TP63: variants seen among roughly 807,000 people sequenced by gnomAD.
The protein encoded by TP63 is tumor protein 63.
In TP63, 17 loss-of-function variants were observed where a neutral mutation model predicts 82.8. That is an observed-to-expected ratio of 0.21 (90% CI 0.14 to 0.31). The LOEUF is 0.31. TP63 is among the 10% of genes least tolerant of loss of function. The pLI, the probability that TP63 is intolerant of heterozygous loss-of-function variation, is 1.00. For synonymous variants in TP63, 330 were observed against 321.7 expected, an observed-to-expected ratio of 1.03 and a Z score of -0.28; for missense variants, 648 against 895.3, an observed-to-expected ratio of 0.72 and a Z score of 3.52.
At chr3:189,679,179 A>G (rs1234058228) in intron 1 of TP63, among the ~76,000 whole-genome samples, 2 of 152,040 alleles carry the variant, frequency 1.3e-5, no homozygotes, top group African/African-American at 4.8e-5. Context: ...ACCATGAGGT[A>G]GTTTTATTTT....
intron 3 of TP63, among the ~76,000 whole-genome samples, chr3:189,764,727 G>T (rs1347755339): frequency 6.6e-6 from 1 of 152,050 alleles, no homozygotes; most frequent in Non-Finnish European, 1.5e-5. Flanking sequence ...CAAGAAGCTG[G>T]GAGCTCCTAA....
At chr3:189,831,257 T>G (rs1278938264) in intron 4 of TP63, among the ~76,000 whole-genome samples, 1 of 152,220 alleles carries the variant, frequency 6.6e-6, no homozygotes, top group Non-Finnish European at 1.5e-5. Context: ...TCCTGCATTC[T>G]TTCTTAAATA....
At chr3:189,641,725 A>T (rs1333327237) in intron 1 of TP63, among the ~76,000 whole-genome samples, 1 of 152,188 alleles carries the variant, frequency 6.6e-6, no homozygotes, top group African/African-American at 2.4e-5. Flanking sequence ...TAAGAATGTT[A>T]TACAACCACC....
chr3:189,864,507 C>G (rs987538988), intron 5 of TP63, 89 bp downstream of exon 5: 23 of 1,032,682 alleles, frequency 2.2e-5, no homozygotes, highest in Middle Eastern at 3.3e-4. Context: ...CTACCTGATT[C>G]AGACTTCTGC....
At chr3:189,880,015 A>G (rs1719730059) in intron 10 of TP63, 1 of 1,601,654 alleles carries the variant, frequency 6.2e-7, no homozygotes. Context: ...ATTTGAATAG[A>G]TGAAGTCCTA....
At chr3:189,789,635 T>G in intron 3 of TP63, 1 of 1,389,642 alleles carries the variant, frequency 7.2e-7, no homozygotes, top group East Asian at 2.9e-5. Flanking sequence ...GTTGGGTATA[T>G]ATTAGGAAAC....
At chr3:189,611,833 G>A in the TP63 span, among the ~76,000 whole-genome samples, 1 of 152,054 alleles carries the variant, frequency 6.6e-6, no homozygotes, top group African/African-American at 2.4e-5. Flanking sequence ...TCATTGTAGA[G>A]ATCTTTCACC....
chr3:189,858,175 G>A (rs1278826257), intron 4 of TP63, among the ~76,000 whole-genome samples: 8 of 70,888 alleles, frequency 1.1e-4, no homozygotes, highest in Non-Finnish European at 2.1e-4. Flanking sequence ...GGAGGCCGAG[G>A]CGGGCGGATC....
intron 3 of TP63, among the ~76,000 whole-genome samples, chr3:189,752,377 G>A (rs573174597): frequency 8.6e-5 from 13 of 152,008 alleles, no homozygotes; most frequent in South Asian, 4.2e-4. Context: ...GGGTTTCACC[G>A]TGTTCACTGT....
intron 4 of TP63, among the ~76,000 whole-genome samples, chr3:189,812,842 T>C (rs1051346406): frequency 5.3e-5 from 8 of 152,220 alleles, no homozygotes; most frequent in African/African-American, 1.9e-4. Flanking sequence ...CTAAAGGTAC[T>C]CATTTGAGAG....
At chr3:189,614,210 G>T in the TP63 span, among the ~76,000 whole-genome samples, 3 of 151,966 alleles carry the variant, frequency 2.0e-5, no homozygotes, top group African/African-American at 4.8e-5. Context: ...CTAGAGGGAG[G>T]TTATTGAATC....
chr3:189,634,238 T>A (rs1476520683), intron 1 of TP63, among the ~76,000 whole-genome samples: 1 of 152,100 alleles, frequency 6.6e-6, no homozygotes, highest in Non-Finnish European at 1.5e-5. Context: ...TTGTCTTTAC[T>A]GACCTTGTGT....
At chr3:189,787,598 A>G (rs1025227586) in intron 3 of TP63, among the ~76,000 whole-genome samples, 1 of 152,080 alleles carries the variant, frequency 6.6e-6, no homozygotes, top group Non-Finnish European at 1.5e-5. Flanking sequence ...TGACTTTTTC[A>G]TCTTTCAAAT....
At chr3:189,826,318 G>C (rs149704429) in intron 4 of TP63, among the ~76,000 whole-genome samples, 185 of 152,294 alleles carry the variant, frequency 1.2e-3, no homozygotes, top group African/African-American at 4.4e-3. Flanking sequence ...AAAAGGCATT[G>C]ATTAGTCCAC....
upstream of TP63, among the ~76,000 whole-genome samples, chr3:189,629,848 T>C (rs1174697671): frequency 2.6e-5 from 4 of 152,210 alleles, no homozygotes; most frequent in Non-Finnish European, 5.9e-5. Context: ...ATTTAGGTCA[T>C]CTATATTTGC....
intron 1 of TP63, among the ~76,000 whole-genome samples, chr3:189,720,848 G>A (rs1719337583): frequency 6.6e-6 from 1 of 151,942 alleles, no homozygotes; most frequent in African/African-American, 2.4e-5. Context: ...AACAGACTCA[G>A]CCATCTCACA....
At chr3:189,886,659 G>A in intron 11 of TP63, 108 bp downstream of exon 11, 1 of 1,491,054 alleles carries the variant, frequency 6.7e-7, no homozygotes, top group Non-Finnish European at 9.1e-7. Context: ...GACACAGTGG[G>A]ACAGATCAGA....
intron 4 of TP63, among the ~76,000 whole-genome samples, chr3:189,835,366 G>A (rs974928079): frequency 6.6e-6 from 1 of 152,196 alleles, no homozygotes; most frequent in South Asian, 2.1e-4. Flanking sequence ...TTGGTTCTCT[G>A]ACTGGGAATA....
intron 3 of TP63, among the ~76,000 whole-genome samples, chr3:189,754,549 T>G (rs1028120556): frequency 1.3e-5 from 2 of 152,122 alleles, no homozygotes; most frequent in African/African-American, 4.8e-5. Flanking sequence ...TATTACTAGG[T>G]GAGTCACTTA....
Sources: gnomAD v4.1 joint callset for allele counts (sites outside exome capture counted in the v4.1 genomes callset) on GRCh38, gnomAD v4.1.1 for gene constraint, MANE v1.5 for transcripts, NCBI Gene and HGNC (gene_info 2026-07-23, HGNC 2026-07-21) for gene names.